Variants in GABRG3 observed in about 807,000 individuals in gnomAD.
GABRG3 encodes gamma-aminobutyric acid type A receptor subunit gamma3, also known as gamma-aminobutyric acid receptor subunit gamma-3.
GABRG3 carries 25 observed loss-of-function variants against 48.8 expected under a neutral mutation model. The ratio of observed to expected loss-of-function variants is 0.51; its 90% confidence interval spans 0.37 to 0.72. GABRG3 has a LOEUF of 0.72. GABRG3 is among the 30% of genes least tolerant of loss of function. The probability of loss-of-function intolerance (pLI) is 0.00; values close to 1 mark genes in which losing one functional copy is unlikely to be tolerated. For missense variants in GABRG3, 394 were observed against 577.9 expected, an observed-to-expected ratio of 0.68 and a Z score of 3.26; for synonymous variants, 227 against 217.6, an observed-to-expected ratio of 1.04 and a Z score of -0.38.
chr15:27,351,744 ATGAG>A (rs1305748650), intron 5 of GABRG3, among the ~76,000 whole-genome samples: 13 of 142,888 alleles, frequency 9.1e-5, no homozygotes, highest in Admixed American at 2.8e-4. Flanking sequence ...GTGTGTATGT[ATGAG>A]TGTGTTTATG....
chr15:27,287,328 T>A (rs1426067649), intron 3 of GABRG3, among the ~76,000 whole-genome samples: 1 of 151,838 alleles, frequency 6.6e-6, no homozygotes, highest in Non-Finnish European at 1.5e-5. Flanking sequence ...TGGAGAAGAG[T>A]TAAACTGAAT....
intron 5 of GABRG3, among the ~76,000 whole-genome samples, chr15:27,414,963 G>A (rs1469702514): frequency 6.6e-6 from 1 of 152,098 alleles, no homozygotes; most frequent in Non-Finnish European, 1.5e-5. Context: ...CTGTTCAGGT[G>A]AAATTTTTAT....
At chr15:27,058,025 G>A (rs1484890060) in intron 3 of GABRG3, among the ~76,000 whole-genome samples, 2 of 152,182 alleles carry the variant, frequency 1.3e-5, no homozygotes, top group Admixed American at 1.3e-4. Flanking sequence ...TCTGCCGACA[G>A]TTCTCAAAGC....
chr15:27,273,572 C>T (rs904661931), intron 3 of GABRG3, among the ~76,000 whole-genome samples: 3 of 152,160 alleles, frequency 2.0e-5, no homozygotes, highest in Non-Finnish European at 4.4e-5. Context: ...GTCGTATGAG[C>T]TATTCTCAGT....
At chr15:27,252,391 G>A (rs377548222) in intron 3 of GABRG3, among the ~76,000 whole-genome samples, 7 of 152,236 alleles carry the variant, frequency 4.6e-5, no homozygotes, top group East Asian at 3.9e-4. Context: ...TAAGCAGGAC[G>A]TCCTGTATGT....
intron 3 of GABRG3, among the ~76,000 whole-genome samples, chr15:27,301,768 C>T (rs1748791481): frequency 6.6e-6 from 1 of 152,028 alleles, no homozygotes; most frequent in African/African-American, 2.4e-5. Context: ...AAGCAAACCT[C>T]AATAGGGTGA....
chr15:27,065,112 C>G (rs1896715340), intron 3 of GABRG3, among the ~76,000 whole-genome samples: 1 of 152,288 alleles, frequency 6.6e-6, no homozygotes, highest in Non-Finnish European at 1.5e-5. Flanking sequence ...GGTGACTAGT[C>G]TCACGTTGGC....
chr15:27,189,725 T>C (rs895587472), intron 3 of GABRG3, among the ~76,000 whole-genome samples: 1 of 151,494 alleles, frequency 6.6e-6, no homozygotes, highest in Non-Finnish European at 1.5e-5. Context: ...TTTATTTCCT[T>C]CTGCCTAATT....
At chr15:27,255,952 C>T (rs752287834) in intron 3 of GABRG3, among the ~76,000 whole-genome samples, 10 of 152,200 alleles carry the variant, frequency 6.6e-5, no homozygotes. Flanking sequence ...TCTCTCTCCA[C>T]CAAAGATGTT....
chr15:27,400,332 C>T (rs951227902), intron 5 of GABRG3, among the ~76,000 whole-genome samples: 1 of 152,188 alleles, frequency 6.6e-6, no homozygotes, highest in African/African-American at 2.4e-5. Context: ...AGATACCTCA[C>T]ATTTTGTATT....
intron 6 of GABRG3, among the ~76,000 whole-genome samples, chr15:27,515,657 A>G (rs538534767): frequency 6.6e-6 from 1 of 152,244 alleles, no homozygotes; most frequent in Admixed American, 6.5e-5. Flanking sequence ...GGAAATAACA[A>G]CGTTTAAAGG....
chr15:27,256,890 A>G (rs897704281), intron 3 of GABRG3, among the ~76,000 whole-genome samples: 2 of 152,208 alleles, frequency 1.3e-5, no homozygotes, highest in African/African-American at 4.8e-5. Context: ...GGGACTGCAG[A>G]CGTCTCCTGG....
chr15:27,105,515 A>T (rs904034312), intron 3 of GABRG3, among the ~76,000 whole-genome samples: 1 of 152,214 alleles, frequency 6.6e-6, no homozygotes, highest in Non-Finnish European at 1.5e-5. Flanking sequence ...CACAAAACAA[A>T]TCTCAGAAAA....
intron 5 of GABRG3, among the ~76,000 whole-genome samples, chr15:27,461,545 G>C (rs1459050233): frequency 1.3e-5 from 2 of 152,202 alleles, no homozygotes; most frequent in Non-Finnish European, 2.9e-5. Context: ...ACACAGCATG[G>C]AAGAGGACTC....
chr15:27,500,289 A>G (rs1451969892), intron 6 of GABRG3, among the ~76,000 whole-genome samples: 1 of 152,164 alleles, frequency 6.6e-6, no homozygotes, highest in Non-Finnish European at 1.5e-5. Flanking sequence ...CACTGTTGCT[A>G]GAGGCCCGGT....
intron 2 of GABRG3, among the ~76,000 whole-genome samples, chr15:26,977,417 G>A (rs568915087): frequency 5.9e-5 from 9 of 152,194 alleles, no homozygotes; most frequent in Admixed American, 3.3e-4. Context: ...TTCATCAACC[G>A]AAAGTGGATC....
intron 3 of GABRG3, among the ~76,000 whole-genome samples, chr15:27,059,355 G>A (rs1296960971): frequency 6.6e-6 from 1 of 152,210 alleles, no homozygotes; most frequent in Non-Finnish European, 1.5e-5. Context: ...CAGCCCTTCT[G>A]TTGTAGAAAA....
chr15:27,418,452 C>T (rs1357186183), intron 5 of GABRG3, among the ~76,000 whole-genome samples: 5 of 152,170 alleles, frequency 3.3e-5, no homozygotes, highest in Admixed American at 2.0e-4. Context: ...GAGGGAGTTA[C>T]CCGAAAGCAG....
chr15:27,157,364 A>G (rs1898459108), intron 3 of GABRG3, among the ~76,000 whole-genome samples: 1 of 152,244 alleles, frequency 6.6e-6, no homozygotes, highest in South Asian at 2.1e-4. Flanking sequence ...CAGGATTCAA[A>G]TACAGGAATC....
Sources: allele counts gnomAD v4.1 joint callset (sites outside exome capture counted in the v4.1 genomes callset), GRCh38; gene constraint gnomAD v4.1.1; transcripts MANE v1.5; gene names NCBI Gene and HGNC (gene_info 2026-07-23, HGNC 2026-07-21).